The following DCLK1 variants were observed in gnomAD, a reference collection of about 807,000 sequenced individuals.
DCLK1 encodes the protein doublecortin like kinase 1.
In DCLK1, 16 loss-of-function variants were observed where a neutral mutation model predicts 86.2. That is an observed-to-expected ratio of 0.19 (90% confidence interval 0.13 to 0.28). The LOEUF (loss-of-function observed/expected upper bound fraction) is 0.28, where lower values mean the gene tolerates loss of function less well. Among genes scored for constraint, DCLK1 ranks in the 10% least tolerant of loss-of-function variants. The probability of loss-of-function intolerance (pLI) is 1.00; values close to 1 mark genes in which losing one functional copy is unlikely to be tolerated. For synonymous variants in DCLK1, 369 were observed against 370.5 expected, an observed-to-expected ratio of 1.00 and a Z score of 0.05; for missense variants, 590 against 940.2, an observed-to-expected ratio of 0.63 and a Z score of 4.87.
At chr13:35,909,671 C>T (rs1174361584) in intron 4 of DCLK1, among the ~76,000 whole-genome samples, 4 of 148,802 alleles carry the variant, frequency 2.7e-5, no homozygotes, top group African/African-American at 7.5e-5. Context: ...AAAAAAAGTG[C>T]TTAATTTATG....
intron 3 of DCLK1, among the ~76,000 whole-genome samples, chr13:36,105,256 A>C (rs1885349428): frequency 6.7e-6 from 1 of 149,002 alleles, no homozygotes; most frequent in Non-Finnish European, 1.5e-5. Flanking sequence ...AAATATGATT[A>C]GTCATTATAA....
At chr13:35,913,183 C>T (rs556820801) in intron 4 of DCLK1, among the ~76,000 whole-genome samples, 29 of 152,312 alleles carry the variant, frequency 1.9e-4, no homozygotes, top group Middle Eastern at 3.4e-3. Context: ...CTTTGATGAT[C>T]GTCTGCCCAA....
chr13:35,769,937 G>C lies in DCLK1; in HGVS notation c.*4598C>G, dbSNP rs1566520053. The C allele has an allele frequency of 6.6e-6, 1 of 152,122 alleles. No homozygotes were observed. The allele number at this position is 152,122 out of a possible 1,614,324, so 9.4% of individuals were successfully genotyped here. On this transcript the variant is annotated 3_prime_UTR_variant, in exon 17 of 17. Coordinates refer to ENST00000360631, the MANE Select transcript of DCLK1 (RefSeq NM_001330071.2). ...AACCTCATGATCAAAACACATGCCA[G>C]TTAGAAACTTGATCACAGAAATGAT... is the stretch of plus-strand genomic sequence containing the variant.
intron 3 of DCLK1, among the ~76,000 whole-genome samples, chr13:35,979,726 G>A (rs548134752): frequency 6.6e-6 from 1 of 152,312 alleles, no homozygotes; most frequent in African/African-American, 2.4e-5. Context: ...AACAGCTGGA[G>A]AGCAGTGAGT....
chr13:35,784,479 A>T (rs2086584584), intron 16 of DCLK1, among the ~76,000 whole-genome samples: 1 of 152,162 alleles, frequency 6.6e-6, no homozygotes, highest in African/African-American at 2.4e-5. Context: ...ACCCTTGGTG[A>T]CCTTCACGCC....
At chr13:35,912,577 A>G (rs566959722) in intron 4 of DCLK1, among the ~76,000 whole-genome samples, 16 of 152,180 alleles carry the variant, frequency 1.1e-4, no homozygotes, top group Middle Eastern at 3.4e-3. Flanking sequence ...TTCAGGGAAG[A>G]TTACCTGCCC....
chr13:36,020,066 C>T (rs1267893660), intron 3 of DCLK1, among the ~76,000 whole-genome samples: 1 of 152,128 alleles, frequency 6.6e-6, no homozygotes, highest in South Asian at 2.1e-4. Flanking sequence ...TTCTCTGTTG[C>T]TCCCTCTCTT....
At chr13:35,781,092 A>C (rs1419076202) in intron 16 of DCLK1, among the ~76,000 whole-genome samples, 1 of 152,214 alleles carries the variant, frequency 6.6e-6, no homozygotes, top group Admixed American at 6.5e-5. Flanking sequence ...TGGTATGTCT[A>C]ACGTTAAAGG....
At chr13:35,840,948 G>T (rs1869751335) in intron 6 of DCLK1, among the ~76,000 whole-genome samples, 1 of 152,170 alleles carries the variant, frequency 6.6e-6, no homozygotes, top group Admixed American at 6.5e-5. Context: ...TGAGGGGAAG[G>T]TGTGTGTTTT....
At chr13:35,883,105 T>C (rs776631016) in intron 4 of DCLK1, among the ~76,000 whole-genome samples, 2 of 152,120 alleles carry the variant, frequency 1.3e-5, no homozygotes, top group Non-Finnish European at 2.9e-5. Context: ...TAAGTCAAGA[T>C]TGAAACAACC....
intron 3 of DCLK1, among the ~76,000 whole-genome samples, chr13:36,021,918 T>C (rs543930024): frequency 1.3e-4 from 20 of 152,142 alleles, no homozygotes; most frequent in Admixed American, 5.9e-4. Context: ...AACTATATAG[T>C]ACAGCCCACC....
intron 3 of DCLK1, among the ~76,000 whole-genome samples, chr13:36,058,958 T>C (rs1033213825): frequency 6.6e-6 from 1 of 152,194 alleles, no homozygotes; most frequent in African/African-American, 2.4e-5. Context: ...TTGACATTCG[T>C]GGCCAAAGAG....
intron 3 of DCLK1, among the ~76,000 whole-genome samples, chr13:36,018,326 TTTCTC>T (rs200443394): frequency 0.019 from 2,920 of 152,306 alleles, 34 homozygotes; most frequent in Middle Eastern, 0.048. Flanking sequence ...ACAAAAATCT[TTTCTC>T]TTAAGGGAGC....
intron 8 of DCLK1, among the ~76,000 whole-genome samples, chr13:35,834,379 G>C (rs922362295): frequency 1.3e-5 from 2 of 152,150 alleles, no homozygotes; most frequent in East Asian, 1.9e-4. Flanking sequence ...CTTATGGGAG[G>C]CTCCTTATTA....
rs184527037 is a variant in DCLK1, at chr13:35,790,933, C to G, written c.2058+2433G>C. ...GGTTATGCAATATAATTGGATGTAT[C>G]CAGTGCTATTCTGAAAGTATCACAA... On this transcript the variant is annotated intron_variant, in intron 16 of 16. Transcript: ENST00000360631. Among the ~76,000 whole-genome samples, 5 of 152,198 alleles carry G rather than the reference C, an allele frequency of 3.3e-5. No individual in the cohort carries two copies. In the East Asian group the frequency reaches 9.7e-4, roughly 29 times the overall value.
chr13:35,784,097 C>G (rs2086577297), intron 16 of DCLK1, among the ~76,000 whole-genome samples: 1 of 152,072 alleles, frequency 6.6e-6, no homozygotes, highest in Non-Finnish European at 1.5e-5. Flanking sequence ...CAAAGTATGG[C>G]AGGAATGAAT....
chr13:35,850,303 T>C, intron 6 of DCLK1: 1 of 985,566 alleles, frequency 1.0e-6, no homozygotes, highest in Non-Finnish European at 1.2e-6. Context: ...GCCGTTTTAA[T>C]ATGCTTTACA....
At chr13:35,802,605 C>T (rs2086943692) in intron 15 of DCLK1, among the ~76,000 whole-genome samples, 2 of 152,038 alleles carry the variant, frequency 1.3e-5, no homozygotes, top group Admixed American at 1.3e-4. Context: ...AAACTAGCTA[C>T]ACAACGCATT....
At chr13:36,002,898 C>A (rs17053321) in intron 3 of DCLK1, among the ~76,000 whole-genome samples, 6,032 of 152,304 alleles carry the variant, frequency 0.04, 154 homozygotes, top group Middle Eastern at 0.068. Context: ...CTAAGGAAAG[C>A]TATGGCTGCA....
Sources: gnomAD v4.1 joint callset for allele counts (sites outside exome capture counted in the v4.1 genomes callset) on GRCh38, gnomAD v4.1.1 for gene constraint, MANE v1.5 for transcripts, NCBI Gene and HGNC (gene_info 2026-07-23, HGNC 2026-07-21) for gene names.